The following DSCAM variants were observed in gnomAD, a reference collection of about 807,000 sequenced individuals.
The protein encoded by DSCAM is DS cell adhesion molecule.
DSCAM carries 47 observed loss-of-function variants against 217.7 expected under a neutral mutation model. The ratio of observed to expected loss-of-function variants is 0.22; its 90% CI spans 0.17 to 0.28. The LOEUF is 0.28. DSCAM is among the 10% of genes least tolerant of loss of function. DSCAM has a pLI of 1.00. For synonymous variants in DSCAM, 1,056 were observed against 1,015.3 expected, an observed-to-expected ratio of 1.04 and a Z score of -0.76; for missense variants, 2,080 against 2,618.3, an observed-to-expected ratio of 0.79 and a Z score of 4.49.
At chr21:40,655,775 C>G (rs1333975485) in intron 3 of DSCAM, among the ~76,000 whole-genome samples, 1 of 152,142 alleles carries the variant, frequency 6.6e-6, no homozygotes, top group African/African-American at 2.4e-5. Context: ...ACTAATCCAC[C>G]TGGCATGGTA....
At chr21:40,655,003 C>G (rs755671995) in intron 3 of DSCAM, among the ~76,000 whole-genome samples, 1 of 152,100 alleles carries the variant, frequency 6.6e-6, no homozygotes, top group African/African-American at 2.4e-5. Flanking sequence ...CAGGGAGATA[C>G]GTCTGGAAAT....
intron 6 of DSCAM, among the ~76,000 whole-genome samples, chr21:40,344,246 T>C (rs2074533794): frequency 1.3e-5 from 2 of 152,310 alleles, no homozygotes; most frequent in African/African-American, 2.4e-5. Flanking sequence ...TTTAAAGAAA[T>C]TAAAAAAGAA....
intron 1 of DSCAM, among the ~76,000 whole-genome samples, chr21:40,755,471 T>A (rs111327017): frequency 1.4e-5 from 2 of 139,384 alleles, no homozygotes; most frequent in Admixed American, 7.3e-5. Flanking sequence ...AAATAAAAAA[T>A]AAAAAAGTTT....
At chr21:40,234,896 T>C (rs2091412928) in intron 11 of DSCAM, among the ~76,000 whole-genome samples, 1 of 152,182 alleles carries the variant, frequency 6.6e-6, no homozygotes, top group Non-Finnish European at 1.5e-5. Flanking sequence ...GGTCTCCGTC[T>C]AGCTCCAGAT....
intron 1 of DSCAM, among the ~76,000 whole-genome samples, chr21:40,838,452 C>T (rs181684457): frequency 6.6e-5 from 10 of 152,330 alleles, no homozygotes; most frequent in Admixed American, 5.2e-4. Context: ...AATGCTGAAG[C>T]CACTTTGGGA....
At chr21:40,804,557 G>C (rs536975833) in intron 1 of DSCAM, among the ~76,000 whole-genome samples, 1 of 151,970 alleles carries the variant, frequency 6.6e-6, no homozygotes, top group Non-Finnish European at 1.5e-5. Flanking sequence ...GAGAAGATGA[G>C]AGCCCCCACG....
chr21:40,290,263 T>C (rs1222658138), intron 10 of DSCAM, among the ~76,000 whole-genome samples: 1 of 152,174 alleles, frequency 6.6e-6, no homozygotes, highest in African/African-American at 2.4e-5. Flanking sequence ...ACATATTAAA[T>C]AGATGCACCA....
At chr21:40,381,529 G>A (rs1405724202) in intron 3 of DSCAM, among the ~76,000 whole-genome samples, 1 of 152,214 alleles carries the variant, frequency 6.6e-6, no homozygotes, top group African/African-American at 2.4e-5. Flanking sequence ...GAAGGTCAGA[G>A]CACGGCACTT....
chr21:40,762,617 C>T (rs1299125911), intron 1 of DSCAM, among the ~76,000 whole-genome samples: 7 of 152,182 alleles, frequency 4.6e-5, no homozygotes, highest in Non-Finnish European at 1.0e-4. Flanking sequence ...TTTTATGAGG[C>T]CAGCATCATC....
At chr21:40,423,773 G>A (rs1448842884) in intron 3 of DSCAM, among the ~76,000 whole-genome samples, 1 of 152,104 alleles carries the variant, frequency 6.6e-6, no homozygotes, top group Non-Finnish European at 1.5e-5. Flanking sequence ...CCATCCACCA[G>A]TAACACATGT....
intron 3 of DSCAM, among the ~76,000 whole-genome samples, chr21:40,393,081 C>A (rs958343109): frequency 1.3e-5 from 2 of 152,160 alleles, no homozygotes; most frequent in Non-Finnish European, 2.9e-5. Context: ...GGCTGGTTCC[C>A]TAATATCGGC....
At chr21:40,239,739 A>G (rs2073123320) in intron 11 of DSCAM, among the ~76,000 whole-genome samples, 1 of 152,236 alleles carries the variant, frequency 6.6e-6, no homozygotes, top group South Asian at 2.1e-4. Flanking sequence ...TAGAAACTTA[A>G]TCCAGCCTCA....
chr21:40,105,506 G>A lies in DSCAM; in HGVS notation c.3697-11632C>T, dbSNP rs563298227. The stretch of plus-strand genomic sequence containing the variant: ...CCTGGCTTTATAAGGGGCATTTCCC[G>A]CCTTGGTTCTGCACTTCCTCTTGCT... On this transcript the variant is annotated intron_variant, in intron 20 of 32. Transcript: ENST00000400454. Among the ~76,000 whole-genome samples, 7 of 152,252 alleles carry A rather than the reference G, an allele frequency of 4.6e-5. 1 individual carries two copies. The South Asian group carries it at 8.3e-4, about 18-fold the overall frequency.
rs141824539 is a variant in DSCAM at position 40,277,829 on chromosome 21, G to A, written c.2183-1559C>T. ...GGATGCAATGAGCTGAGATCACGGC[G>A]CTGCACTCCAGCCTGGGCGACAGAG... On this transcript the variant is annotated intron_variant, in intron 10 of 32. Coordinates refer to ENST00000400454, the MANE Select transcript of DSCAM (RefSeq NM_001389.5). Among the ~76,000 whole-genome samples the A allele has an allele frequency of 1.1e-3, 157 of 145,612 alleles. No homozygotes were observed. The East Asian group carries it at 0.027, about 25-fold the overall frequency.
chr21:40,378,886 C>T (rs2074992933), intron 3 of DSCAM, among the ~76,000 whole-genome samples: 1 of 152,034 alleles, frequency 6.6e-6, no homozygotes, highest in Non-Finnish European at 1.5e-5. Context: ...AGCCACCGCG[C>T]CCGGCCAACA....
intron 3 of DSCAM, among the ~76,000 whole-genome samples, chr21:40,653,945 A>C (rs1384880075): frequency 2.0e-5 from 3 of 151,764 alleles, no homozygotes; most frequent in Non-Finnish European, 4.4e-5. Flanking sequence ...AACTATAAAA[A>C]CTAGCCAGGC....
At chr21:40,586,145 A>G (rs867886771) in intron 3 of DSCAM, among the ~76,000 whole-genome samples, 11 of 152,192 alleles carry the variant, frequency 7.2e-5, no homozygotes, top group Middle Eastern at 6.8e-3. Flanking sequence ...ACATGAGCCA[A>G]CATGCCTGGT....
intron 3 of DSCAM, among the ~76,000 whole-genome samples, chr21:40,429,993 A>G (rs949753036): frequency 9.2e-5 from 14 of 152,334 alleles, no homozygotes; most frequent in Admixed American, 2.0e-4. Context: ...AAAAGTCATT[A>G]AGACCTTGTG....
intron 3 of DSCAM, among the ~76,000 whole-genome samples, chr21:40,540,261 C>T (rs879635375): frequency 2.5e-4 from 38 of 152,250 alleles, no homozygotes; most frequent in African/African-American, 8.7e-4. Context: ...AATTAAGGTC[C>T]GTCTAGATTC....
Sources: allele counts gnomAD v4.1 joint callset (sites outside exome capture counted in the v4.1 genomes callset), GRCh38; gene constraint gnomAD v4.1.1; transcripts MANE v1.5; gene names NCBI Gene and HGNC (gene_info 2026-07-23, HGNC 2026-07-21).